The following SNCAIP variants were observed in gnomAD, a reference collection of about 807,000 sequenced individuals.
SNCAIP encodes synphilin-1.
A neutral mutation model predicts 86.7 loss-of-function variants in SNCAIP; 43 were observed. The observed-to-expected ratio is 0.50, with a 90% CI of 0.39 to 0.64. SNCAIP has a LOEUF of 0.64. Ranked by LOEUF, SNCAIP falls within the 30% of genes least tolerant of loss-of-function variation. The pLI is 0.00. For missense variants in SNCAIP, 981 were observed against 1,103.1 expected (o/e 0.89, Z 1.57); for synonymous variants, 417 against 427.2 (o/e 0.98, Z 0.29).
intron 1 of SNCAIP, among the ~76,000 whole-genome samples, chr5:122,344,993 C>A (rs947139909): frequency 6.6e-6 from 1 of 152,104 alleles, no homozygotes; most frequent in African/African-American, 2.4e-5. Flanking sequence ...GTAAGCTGAG[C>A]AAATAATAAA....
At chr5:122,358,156 T>A (rs553381814) in intron 1 of SNCAIP, among the ~76,000 whole-genome samples, 20 of 134,588 alleles carry the variant, frequency 1.5e-4, no homozygotes, top group African/African-American at 5.5e-4. Context: ...AAAATTTGTT[T>A]CTTTGTGTGT....
chr5:122,379,494 A>G (rs1446295374), intron 1 of SNCAIP, among the ~76,000 whole-genome samples: 2 of 131,464 alleles, frequency 1.5e-5, no homozygotes, highest in African/African-American at 5.8e-5. Context: ...AACAGGGACA[A>G]TTTGACTTCC....
chr5:122,452,947 A>G (rs1480963895), intron 10 of SNCAIP: 1 of 1,549,056 alleles, frequency 6.5e-7, no homozygotes, highest in South Asian at 1.2e-5. Context: ...AGCTGCATCA[A>G]TCTTTCCTCT....
chr5:122,446,689 G>A (rs1782386904), intron 8 of SNCAIP, among the ~76,000 whole-genome samples: 1 of 152,186 alleles, frequency 6.6e-6, no homozygotes, highest in Admixed American at 6.5e-5. Flanking sequence ...AACTAGAAAT[G>A]AATGGAGAAA....
intron 1 of SNCAIP, among the ~76,000 whole-genome samples, chr5:122,318,714 C>T (rs1752326299): frequency 6.6e-6 from 1 of 152,154 alleles, no homozygotes; most frequent in Non-Finnish European, 1.5e-5. Flanking sequence ...TATATACTTA[C>T]TTATTACTTG....
At position 122,447,228 on chromosome 5, in the gene SNCAIP, G is replaced by A. The variant is rs556162889; in HGVS notation, c.1592+2496G>A. On this transcript the variant is annotated intron_variant, in intron 8 of 10. Coordinates refer to ENST00000261368, the MANE Select transcript of SNCAIP (RefSeq NM_005460.4). ...CAGCTTCTCCTCACAGCCTTCAGAGGGAGCCAGCCTGGCCAGCACCTTGAT... is the reference window on the plus strand; with the variant it reads ...CAGCTTCTCCTCACAGCCTTCAGAGAGAGCCAGCCTGGCCAGCACCTTGAT... 1.2e-3 allele frequency among the ~76,000 whole-genome samples: 187 copies of A among 152,126 alleles called. 2 individuals are homozygous for A. Among genetic ancestry groups the A allele is most frequent in the Non-Finnish European group, 4.0e-4 (27 of 68,038 alleles).
intron 1 of SNCAIP, among the ~76,000 whole-genome samples, chr5:122,319,218 T>C (rs903057382): frequency 6.6e-6 from 1 of 151,682 alleles, no homozygotes; most frequent in Admixed American, 6.6e-5. Context: ...CCTTCTTTGG[T>C]CATCAATCCT....
intron 7 of SNCAIP, chr5:122,443,647 C>T (rs1305685063): frequency 2.2e-6 from 1 of 456,758 alleles, no homozygotes; most frequent in Non-Finnish European, 4.4e-6. Context: ...TCCTATCCCC[C>T]TATCTCTTCT....
chr5:122,409,762 C>A (rs1773743236), intron 3 of SNCAIP, among the ~76,000 whole-genome samples: 1 of 152,112 alleles, frequency 6.6e-6, no homozygotes, highest in African/African-American at 2.4e-5. Flanking sequence ...TAAGCCAGCA[C>A]CTAAAATAAG....
intron 1 of SNCAIP, among the ~76,000 whole-genome samples, chr5:122,354,831 T>G (rs1328466558): frequency 6.6e-6 from 1 of 152,228 alleles, no homozygotes; most frequent in Non-Finnish European, 1.5e-5. Flanking sequence ...TCAGATTTCC[T>G]TTGGAGTATA....
At chr5:122,388,082 C>T (rs1768582162) in intron 1 of SNCAIP, among the ~76,000 whole-genome samples, 2 of 152,128 alleles carry the variant, frequency 1.3e-5, no homozygotes. Context: ...TGGAGAGGCT[C>T]TGGGAAAATG....
chr5:122,409,016 A>G (rs10065642), intron 3 of SNCAIP, among the ~76,000 whole-genome samples: 30,965 of 152,072 alleles, frequency 0.2, 4,054 homozygotes, highest in African/African-American at 0.38. Context: ...CAATTGAGGA[A>G]TAATTTATTC....
At chr5:122,313,109 G>A (rs949572948) in intron 1 of SNCAIP, among the ~76,000 whole-genome samples, 46 of 152,258 alleles carry the variant, frequency 3.0e-4, no homozygotes, top group Non-Finnish European at 6.2e-4. Context: ...AAACAAAAAG[G>A]CAACAGCATT....
intron 8 of SNCAIP, among the ~76,000 whole-genome samples, chr5:122,447,048 C>T (rs916043238): frequency 3.3e-5 from 5 of 152,182 alleles, no homozygotes; most frequent in Admixed American, 2.0e-4. Flanking sequence ...CCTACTCTGA[C>T]TAGAGTCCTT....
intron 1 of SNCAIP, among the ~76,000 whole-genome samples, chr5:122,370,200 A>G (rs191403870): frequency 2.0e-5 from 3 of 152,264 alleles, no homozygotes. Flanking sequence ...TCTATTATAT[A>G]TCAACAAAAA....
intron 1 of SNCAIP, among the ~76,000 whole-genome samples, chr5:122,317,098 A>G (rs972014685): frequency 1.3e-5 from 2 of 152,098 alleles, no homozygotes; most frequent in African/African-American, 4.8e-5. Flanking sequence ...ATAAGTGTAG[A>G]GTTTGCTATA....
At position 122,351,536 on chromosome 5, in the gene SNCAIP, CAAAAAAAAAAAA is replaced by C. The variant is rs541191012; in HGVS notation, c.-47+39271_-47+39282del. ...TGGGCAACAGAGTGAGACTCTGTAT[CAAAAAAAAAAAA>C]AAAAAAAAAAAAAAAAAAGAACTAA... is the stretch of plus-strand genomic sequence containing the variant. On this transcript the variant is annotated intron_variant, in intron 1 of 10. Coordinates refer to ENST00000261368, the MANE Select transcript of SNCAIP (RefSeq NM_005460.4). Among the ~76,000 whole-genome samples, 55 of 36,514 alleles carry C rather than the reference CAAAAAAAAAAAA, an allele frequency of 1.5e-3. 1 individual carries two copies. The highest frequency in any genetic ancestry group is 3.7e-3 in the South Asian group (2 of 540). The allele number at this position is 36,514 out of a possible 152,430, so 24.0% of individuals were successfully genotyped here.
intron 1 of SNCAIP, among the ~76,000 whole-genome samples, chr5:122,313,212 GC>G (rs1169556039): frequency 6.6e-6 from 1 of 152,246 alleles, no homozygotes; most frequent in African/African-American, 2.4e-5. Context: ...AATTAAGGAA[GC>G]ATTACTGTCG....
At chr5:122,337,792 G>A (rs1029240401) in intron 1 of SNCAIP, among the ~76,000 whole-genome samples, 4 of 152,122 alleles carry the variant, frequency 2.6e-5, no homozygotes, top group Admixed American at 6.5e-5. Context: ...CGCCCACCTC[G>A]GCCTTCCAAA....
Sources: gnomAD v4.1 joint callset for allele counts (sites outside exome capture counted in the v4.1 genomes callset) on GRCh38, gnomAD v4.1.1 for gene constraint, MANE v1.5 for transcripts, NCBI Gene and HGNC (gene_info 2026-07-23, HGNC 2026-07-21) for gene names.